XPR1: variants seen among roughly 807,000 people sequenced by gnomAD.
XPR1 encodes the protein xenotropic and polytropic retrovirus receptor 1, also known as solute carrier family 53 member 1.
XPR1 carries 28 observed loss-of-function variants against 87.5 expected under a neutral mutation model. That is an observed-to-expected ratio of 0.32 (90% CI 0.24 to 0.44). The LOEUF (loss-of-function observed/expected upper bound fraction) is 0.44, where lower values mean the gene tolerates loss of function less well. XPR1 is among the 20% of genes least tolerant of loss of function. The pLI is 1.00. For missense variants in XPR1, 559 were observed against 862.3 expected, an observed-to-expected ratio of 0.65 and a Z score of 4.41; for synonymous variants, 300 against 306.1, an observed-to-expected ratio of 0.98 and a Z score of 0.21.
chr1:180,776,803 T>C (rs1298529507), intron 2 of XPR1, among the ~76,000 whole-genome samples: 2 of 152,174 alleles, frequency 1.3e-5, no homozygotes, highest in Non-Finnish European at 2.9e-5. Context: ...TTGTATTGTA[T>C]CTAGTGCCAG....
At chr1:180,734,906 A>G (rs1198569402) in intron 2 of XPR1, among the ~76,000 whole-genome samples, 3 of 152,210 alleles carry the variant, frequency 2.0e-5, no homozygotes, top group East Asian at 3.8e-4. Context: ...CTTAGCAGCA[A>G]GGATGTCATT....
At chr1:180,652,023 G>T (rs1655309652) in intron 1 of XPR1, among the ~76,000 whole-genome samples, 1 of 152,300 alleles carries the variant, frequency 6.6e-6, no homozygotes, top group Middle Eastern at 3.4e-3. Context: ...CAGGCGTGGT[G>T]GCTCACGCCT....
At chr1:180,703,314 G>A (rs182955417) in intron 2 of XPR1, among the ~76,000 whole-genome samples, 5 of 152,260 alleles carry the variant, frequency 3.3e-5, no homozygotes, top group Admixed American at 3.3e-4. Context: ...GGTGATGGGT[G>A]GAGTGGGCTT....
chr1:180,693,810 A>T (rs1342962377), intron 2 of XPR1, among the ~76,000 whole-genome samples: 1 of 152,210 alleles, frequency 6.6e-6, no homozygotes, highest in Non-Finnish European at 1.5e-5. Flanking sequence ...ATCCAGGATG[A>T]TGTCATCTCA....
At chr1:180,802,264 G>GA (rs1649813054) in intron 3 of XPR1, among the ~76,000 whole-genome samples, 1 of 151,914 alleles carries the variant, frequency 6.6e-6, no homozygotes, top group Admixed American at 6.6e-5. Context: ...AATCTGCCTG[G>GA]TTCCAGTGAA....
In XPR1 at chr1:180,748,519, A is replaced by G. The variant is rs1283591010; in HGVS notation, c.122-39234A>G. Reference sequence around the variant, plus strand: ...CTGCAACCTCTGCCTCCCGGGTTCAAGCAATTCTCCTGCCTCAGCCTCCCG... The same window carrying G: ...CTGCAACCTCTGCCTCCCGGGTTCAGGCAATTCTCCTGCCTCAGCCTCCCG... On this transcript the variant is annotated intron_variant, in intron 2 of 14. Transcript: ENST00000367590. 3.5e-5 allele frequency among the ~76,000 whole-genome samples: 5 copies of G among 143,588 alleles called. 1 individual carries two copies. Among genetic ancestry groups the G allele is most frequent in the South Asian group, 4.4e-4 (2 of 4,576 alleles). 94.2% of individuals were successfully genotyped at this position (143,588 alleles called of 152,430 possible).
intron 9 of XPR1, 70 bp downstream of exon 9, chr1:180,825,414 C>G: frequency 6.7e-7 from 1 of 1,485,374 alleles, no homozygotes. Flanking sequence ...AAGATAAAAC[C>G]AAGGCTGCTA....
chr1:180,667,833 A>G (rs770783851), intron 1 of XPR1, among the ~76,000 whole-genome samples: 2 of 152,110 alleles, frequency 1.3e-5, no homozygotes, highest in Non-Finnish European at 2.9e-5. Flanking sequence ...CTTCCTAGGA[A>G]TTTGTCCATT....
intron 2 of XPR1, among the ~76,000 whole-genome samples, chr1:180,716,840 A>G (rs373215996): frequency 1.3e-5 from 2 of 152,202 alleles, no homozygotes; most frequent in East Asian, 1.9e-4. Flanking sequence ...CTGTTTGTTT[A>G]ACTTGTAGGT....
intron 9 of XPR1, among the ~76,000 whole-genome samples, chr1:180,828,918 C>T (rs1650957622): frequency 6.6e-6 from 1 of 152,042 alleles, no homozygotes; most frequent in Non-Finnish European, 1.5e-5. Flanking sequence ...AATTTGAGGC[C>T]AGGCACAGTA....
chr1:180,865,174 G>C (rs1652345563), intron 12 of XPR1, among the ~76,000 whole-genome samples: 1 of 152,122 alleles, frequency 6.6e-6, no homozygotes, highest in African/African-American at 2.4e-5. Flanking sequence ...GAGAGTTGTT[G>C]ACAGTGATCT....
rs530371780 is a variant in XPR1, at chr1:180,811,201, T to TA, written c.682-198dup. On this transcript the variant is annotated intron_variant, in intron 6 of 14. Coordinates refer to ENST00000367590, the MANE Select transcript of XPR1 (RefSeq NM_004736.4). ...GCTTATTTCATGACACAGATTTCTA[T>TA]AAAAAAAAGCTTGATTAATTGGCAA... is the stretch of plus-strand genomic sequence containing the variant. 2.0e-3 allele frequency among the ~76,000 whole-genome samples: 299 copies of TA among 151,978 alleles called. 1 individual carries two copies. Among genetic ancestry groups the TA allele is most frequent in the South Asian group, 0.012 (58 of 4,804 alleles).
intron 2 of XPR1, among the ~76,000 whole-genome samples, chr1:180,775,288 G>T (rs546691132): frequency 7.2e-5 from 11 of 152,092 alleles, no homozygotes; most frequent in Non-Finnish European, 1.6e-4. Context: ...GCAACAGTGA[G>T]ACTGAGCAGT....
intron 2 of XPR1, among the ~76,000 whole-genome samples, chr1:180,727,599 G>A (rs377254858): frequency 4.6e-5 from 7 of 152,206 alleles, no homozygotes; most frequent in Admixed American, 3.3e-4. Context: ...AGCCGAGATC[G>A]CACCATTGCA....
intron 11 of XPR1, among the ~76,000 whole-genome samples, chr1:180,861,519 T>C (rs1652221329): frequency 1.3e-5 from 2 of 152,068 alleles, no homozygotes; most frequent in African/African-American, 4.8e-5. Context: ...AGTAAATAAT[T>C]TTTTAGGCAT....
chr1:180,749,809 C>T (rs926100699), intron 2 of XPR1, among the ~76,000 whole-genome samples: 9 of 152,058 alleles, frequency 5.9e-5, no homozygotes, highest in Admixed American at 2.0e-4. Flanking sequence ...CCATGCTTAA[C>T]GTAATCAGGG....
intron 4 of XPR1, 115 bp downstream of exon 4, chr1:180,803,726 C>T (rs1311963561): frequency 1.2e-6 from 1 of 845,354 alleles, no homozygotes; most frequent in Non-Finnish European, 1.8e-6. Flanking sequence ...AAATCCTTAA[C>T]ATGTTGTTAT....
Position 180,666,112 on chromosome 1 carries a change from G to A in XPR1, c.70-16248G>A, listed in dbSNP as rs77681522. 1.7e-3 allele frequency among the ~76,000 whole-genome samples: 252 copies of A among 152,248 alleles called. 1 individual carries two copies. The highest frequency in any genetic ancestry group is 5.7e-3 in the African/African-American group (236 of 41,542). On this transcript the variant is annotated intron_variant, in intron 1 of 14. Transcript: ENST00000367590. ...CACCCTCATAAAAATTTATTTGACC[G>A]TATATAGGAGGGTTTATTTGTGGAC...
chr1:180,634,597 G>A lies in XPR1; in HGVS notation c.69+2327G>A, dbSNP rs1353634746. ...ATTAAATTGTAGTTTCTCATATGAAGATGATGCTCTTAAAATGCTATCAGT... is the reference window on the plus strand; with the variant it reads ...ATTAAATTGTAGTTTCTCATATGAAAATGATGCTCTTAAAATGCTATCAGT... On this transcript the variant is annotated intron_variant, in intron 1 of 14. Coordinates refer to ENST00000367590, the MANE Select transcript of XPR1 (RefSeq NM_004736.4). 3.3e-5 allele frequency among the ~76,000 whole-genome samples: 5 copies of A among 152,150 alleles called. No homozygotes were observed. In the East Asian group the frequency reaches 7.7e-4, roughly 23 times the overall value.
Sources: allele counts gnomAD v4.1 joint callset (sites outside exome capture counted in the v4.1 genomes callset), GRCh38; gene constraint gnomAD v4.1.1; transcripts MANE v1.5; gene names NCBI Gene and HGNC (gene_info 2026-07-23, HGNC 2026-07-21).